Variants in EPHA7 observed in about 807,000 individuals in gnomAD.
EPHA7 encodes ephrin type-A receptor 7.
In EPHA7, 25 loss-of-function variants were observed where a neutral mutation model predicts 112.6. That is an observed-to-expected ratio of 0.22 (90% CI 0.16 to 0.31). The LOEUF (loss-of-function observed/expected upper bound fraction) is 0.31. EPHA7 is among the 10% of genes least tolerant of loss of function. The pLI is 1.00. For synonymous variants in EPHA7, 437 were observed against 406.5 expected (o/e 1.07, Z -0.90); for missense variants, 962 against 1,212.6 (o/e 0.79, Z 3.07).
At chr6:93,252,847 A>G (rs751669787) in intron 14 of EPHA7, among the ~76,000 whole-genome samples, 2 of 151,984 alleles carry the variant, frequency 1.3e-5, no homozygotes, top group African/African-American at 2.4e-5. Context: ...GGTTAAAACT[A>G]AACTGCACAA....
intron 1 of EPHA7, among the ~76,000 whole-genome samples, chr6:93,415,781 T>A (rs970977921): frequency 6.6e-6 from 1 of 152,144 alleles, no homozygotes; most frequent in African/African-American, 2.4e-5. Context: ...AGGCTTAACA[T>A]CAGCCTCAGA....
intron 5 of EPHA7, among the ~76,000 whole-genome samples, chr6:93,309,365 A>C (rs577074567): frequency 1.6e-4 from 25 of 152,336 alleles, no homozygotes; most frequent in South Asian, 4.1e-4. Flanking sequence ...AAAATGTTCT[A>C]TACATATATT....
chr6:93,360,923 G>T (rs1257105992), intron 3 of EPHA7, among the ~76,000 whole-genome samples: 1 of 152,012 alleles, frequency 6.6e-6, no homozygotes, highest in Non-Finnish European at 1.5e-5. Flanking sequence ...TGACACTTAC[G>T]TAATGGGACT....
chr6:93,256,051 A>G lies in EPHA7; in HGVS notation c.2173-14T>C. On this transcript the variant is annotated splice_polypyrimidine_tract_variant and intron_variant, in intron 12 of 16. Transcript: ENST00000369303. ...CCCATCATGTTTCTGCAGGAAGACA[A>G]AAATAAAAGCCCAGTTAACTGCATA... 2 of 1,612,816 alleles carry G rather than the reference A, an allele frequency of 1.2e-6. No homozygotes were observed. Among genetic ancestry groups the G allele is most frequent in the South Asian group, 1.1e-5 (1 of 91,042 alleles).
At chr6:93,246,017 A>C (rs1289830606) in intron 15 of EPHA7, among the ~76,000 whole-genome samples, 2 of 152,172 alleles carry the variant, frequency 1.3e-5, no homozygotes, top group East Asian at 3.9e-4. Flanking sequence ...CTTTTTAATG[A>C]GTACACCTCT....
intron 14 of EPHA7, among the ~76,000 whole-genome samples, chr6:93,251,027 T>A (rs760149487): frequency 3.9e-5 from 6 of 152,104 alleles, no homozygotes; most frequent in African/African-American, 1.4e-4. Flanking sequence ...TTAACGAGCC[T>A]GTAATAACTC....
At position 93,343,973 on chromosome 6, in the gene EPHA7, A is replaced by T. The variant is rs367916795; in HGVS notation, c.1324+12744T>A. 7.2e-5 allele frequency among the ~76,000 whole-genome samples: 11 copies of T among 151,772 alleles called. No individual in the cohort carries two copies. The East Asian group carries it at 2.1e-3, about 29-fold the overall frequency. On this transcript the variant is annotated intron_variant, in intron 5 of 16. Transcript: ENST00000369303. ...AAGGAAATGTGTCTAAAAATAAAAG[A>T]TTTATCAGTATTAACAAATACTGCA...
intron 5 of EPHA7, among the ~76,000 whole-genome samples, chr6:93,347,964 A>C (rs1206725316): frequency 6.6e-6 from 1 of 151,882 alleles, no homozygotes; most frequent in Non-Finnish European, 1.5e-5. Context: ...AAAGATAAAG[A>C]AGCATTAAAT....
intron 3 of EPHA7, among the ~76,000 whole-genome samples, chr6:93,395,612 C>CAT (rs1554190254): frequency 6.7e-6 from 1 of 148,392 alleles, no homozygotes; most frequent in Non-Finnish European, 1.5e-5. Flanking sequence ...CACACACACA[C>CAT]ATCTGTCCGT....
At chr6:93,398,424 A>G (rs535926) in intron 3 of EPHA7, among the ~76,000 whole-genome samples, 91,837 of 151,804 alleles carry the variant, frequency 0.6, 28,542 homozygotes, top group African/African-American at 0.76. Context: ...CTCTATAAAA[A>G]AGGCCAGAAT....
intron 3 of EPHA7, among the ~76,000 whole-genome samples, chr6:93,398,915 C>T (rs1421323732): frequency 6.6e-6 from 1 of 152,034 alleles, no homozygotes; most frequent in Non-Finnish European, 1.5e-5. Flanking sequence ...GTTTATTTTG[C>T]AAACTAAAAC....
intron 3 of EPHA7, among the ~76,000 whole-genome samples, chr6:93,374,658 T>C (rs1231487053): frequency 1.3e-5 from 2 of 152,210 alleles, no homozygotes; most frequent in African/African-American, 4.8e-5. Context: ...CAGTGGAGAC[T>C]AGTCGCTCAG....
chr6:93,373,978 A>C (rs1776929110), intron 3 of EPHA7, among the ~76,000 whole-genome samples: 1 of 152,186 alleles, frequency 6.6e-6, no homozygotes, highest in South Asian at 2.1e-4. Flanking sequence ...ATAACACTAC[A>C]TAAATAAAAA....
At chr6:93,416,616 G>C (rs948763792) in intron 1 of EPHA7, among the ~76,000 whole-genome samples, 1 of 152,144 alleles carries the variant, frequency 6.6e-6, no homozygotes, top group African/African-American at 2.4e-5. Context: ...TCTTCTGCTC[G>C]GTCCGCTCTC....
At chr6:93,378,151 T>C (rs1252620265) in intron 3 of EPHA7, among the ~76,000 whole-genome samples, 1 of 151,948 alleles carries the variant, frequency 6.6e-6, no homozygotes, top group Non-Finnish European at 1.5e-5. Flanking sequence ...AGGAAAAAGA[T>C]CATGGCACAT....
At position 93,410,889 on chromosome 6, in the gene EPHA7, G is replaced by A. The variant is rs1169059675; in HGVS notation, c.444C>T (p.Thr148=). 4 of 1,613,832 alleles carry A rather than the reference G, an allele frequency of 2.5e-6. No individual in the cohort carries two copies. Among genetic ancestry groups the A allele is most frequent in the African/African-American group, 2.7e-5 (2 of 74,888 alleles). ...GGGTAAAACTTTCATCTGCAGCAAT[G>A]GTGTCTATTTTTACATAGAGGTTTT... ...IRENLYVKID[T]IAADESFTQG... is the part of the protein sequence containing the mutation. Residue 148 remains threonine (T), a synonymous_variant, in exon 3 of 17, where the codon ACC becomes ACT. Transcript: ENST00000369303. This position sits in a 1 kb window ranked among gnomAD's most constrained non-coding sequence, Gnocchi z 4.0.
In EPHA7 at chr6:93,241,584, T is replaced by C; in HGVS notation, c.*1842A>G. ...ATGATTTTTCTAGTCAATCAAAAAATAAATTAAAATATCAAATAACACTGT... is the reference window on the plus strand; with the variant it reads ...ATGATTTTTCTAGTCAATCAAAAAACAAATTAAAATATCAAATAACACTGT... On this transcript the variant is annotated 3_prime_UTR_variant, in exon 17 of 17. Transcript: ENST00000369303. 1 of 215,864 alleles carries C rather than the reference T, an allele frequency of 4.6e-6. No homozygotes were observed. Among genetic ancestry groups the C allele is most frequent in the Non-Finnish European group, 9.3e-6 (1 of 106,976 alleles). The allele number at this position is 215,864 out of a possible 1,614,324, so 13.4% of individuals were successfully genotyped here. A position where few individuals can be genotyped will look rare whatever the true frequency, so the allele number is the denominator to read the frequency against.
chr6:93,279,554 T>C (rs1486111164), intron 5 of EPHA7, among the ~76,000 whole-genome samples: 1 of 152,104 alleles, frequency 6.6e-6, no homozygotes, highest in Non-Finnish European at 1.5e-5. Context: ...ATAGGCAAAA[T>C]GTGGCAATTG....
chr6:93,298,872 CT>C (rs1182141281), intron 5 of EPHA7, among the ~76,000 whole-genome samples: 1 of 152,106 alleles, frequency 6.6e-6, no homozygotes, highest in Admixed American at 6.5e-5. Context: ...TGATTTCTAA[CT>C]GTGTTTATTT....
Sources: allele counts gnomAD v4.1 joint callset (sites outside exome capture counted in the v4.1 genomes callset), GRCh38; gene constraint gnomAD v4.1.1; non-coding constraint Gnocchi (gnomAD v3.1); transcripts MANE v1.5; gene names NCBI Gene and HGNC (gene_info 2026-07-23, HGNC 2026-07-21).